TNK2: variants seen among roughly 807,000 people sequenced by gnomAD.
The protein encoded by TNK2 is tyrosine kinase non receptor 2, also known as activated CDC42 kinase 1.
TNK2 carries 83 observed loss-of-function variants against 101.8 expected under a neutral mutation model. That is an observed-to-expected ratio of 0.82 (90% confidence interval 0.68 to 0.98). The LOEUF is 0.98. TNK2 is among the 50% of genes least tolerant of loss of function. TNK2 has a pLI of 0.00. For synonymous variants in TNK2, 804 were observed against 633.0 expected (o/e 1.27, Z -4.06); for missense variants, 1,665 against 1,483.2 (o/e 1.12, Z -2.01).
intron 1 of TNK2, among the ~76,000 whole-genome samples, chr3:195,898,549 T>TA (rs1760885380): frequency 6.6e-6 from 1 of 152,172 alleles, no homozygotes; most frequent in Admixed American, 6.5e-5. Flanking sequence ...CTCTCTCTCT[T>TA]AGCATTCCCT....
intron 9 of TNK2, among the ~76,000 whole-genome samples, chr3:195,876,120 C>T (rs755578766): frequency 8.5e-5 from 13 of 152,176 alleles, no homozygotes; most frequent in Non-Finnish European, 1.8e-4. Flanking sequence ...TTCCAACACC[C>T]GCTCTGTATG....
At chr3:195,870,656 T>C (rs1361581643) in intron 10 of TNK2, among the ~76,000 whole-genome samples, 1 of 152,238 alleles carries the variant, frequency 6.6e-6, no homozygotes, top group African/African-American at 2.4e-5. Context: ...GGGCCACCTG[T>C]CCTGCTCCGG....
chr3:195,865,937 C>T (rs1230370434), intron 15 of TNK2, among the ~76,000 whole-genome samples: 1 of 152,222 alleles, frequency 6.6e-6, no homozygotes, highest in Non-Finnish European at 1.5e-5. Context: ...GCACCGTGCA[C>T]AGGGCCACGC....
Position 195,878,897 on chromosome 3 carries a change from G to A in TNK2, c.1014+152C>T. 19 of 1,261,882 alleles carry A rather than the reference G, an allele frequency of 1.5e-5. No homozygotes were observed. The highest frequency in any genetic ancestry group is 2.0e-5 in the Non-Finnish European group (18 of 905,068). 78.2% of individuals were successfully genotyped at this position (1,261,882 alleles called of 1,614,324 possible). ...GATACGGGGCGTGAGAGGAGACACGGGGCGTGGTGGGAGGCACGGGAAGTG... is the reference window on the plus strand; with the variant it reads ...GATACGGGGCGTGAGAGGAGACACGAGGCGTGGTGGGAGGCACGGGAAGTG... On this transcript the variant is annotated intron_variant, in intron 7 of 15. Coordinates refer to ENST00000672887, the MANE Select transcript of TNK2 (RefSeq NM_001382273.1). This position sits in a 1 kb window ranked among gnomAD's most constrained non-coding sequence, Gnocchi z 4.7.
intron 11 of TNK2, chr3:195,869,903 G>C: frequency 1.8e-6 from 1 of 564,230 alleles, no homozygotes; most frequent in Non-Finnish European, 3.2e-6. Flanking sequence ...GCCTGCTGCA[G>C]ACCCAGCCCG....
chr3:195,897,835 C>T (rs1272438827), intron 1 of TNK2, among the ~76,000 whole-genome samples: 1 of 138,352 alleles, frequency 7.2e-6, no homozygotes, highest in Non-Finnish European at 1.6e-5. Context: ...CCCCACCCCC[C>T]GCCCCCAGCT....
chr3:195,878,377 C>G lies in TNK2; in HGVS notation c.1162-30G>C, dbSNP rs778292259. 1 of 1,613,878 alleles carries G rather than the reference C, an allele frequency of 6.2e-7. No homozygotes were observed. The highest frequency in any genetic ancestry group is 1.7e-5 in the Admixed American group (1 of 60,010). ...AGGAAGAGGAAGGTCGTGGCCAACT[C>G]TGGGACTGACGCCTGGGTAGCCCCT... On this transcript the variant is annotated intron_variant, in intron 8 of 15. Transcript: ENST00000672887. This position sits in a 1 kb window ranked among gnomAD's most constrained non-coding sequence, Gnocchi z 4.7.
intron 1 of TNK2, chr3:195,894,785 C>G (rs1759952733): frequency 6.5e-6 from 1 of 153,740 alleles, no homozygotes; most frequent in Non-Finnish European, 1.4e-5. Flanking sequence ...CTACTGCCCT[C>G]TGCCGGTCGG....
rs1476435668 is a variant in TNK2, at chr3:195,868,168, GC to G, written c.2129del (p.Gly710AlafsTer21). Reference sequence around the variant, plus strand: ...CGGTCTGTGCGGAGCTGGGCGGCTTGCCCCCACCCTGGGGCGGGAGGAACAG... The same window carrying G: ...CGGTCTGTGCGGAGCTGGGCGGCTTGCCCCACCCTGGGGCGGGAGGAACAG... The part of the protein sequence containing the change: ...DNLFLPPQGG[G>X]KPPSSAQTAE... On this transcript the variant is annotated frameshift_variant, in exon 13 of 16. Coordinates refer to ENST00000672887, the MANE Select transcript of TNK2 (RefSeq NM_001382273.1). LOFTEE classifies it high-confidence loss of function. 2 of 1,610,464 alleles carry G rather than the reference GC, an allele frequency of 1.2e-6. No homozygotes were observed. Among genetic ancestry groups the G allele is most frequent in the Non-Finnish European group, 1.7e-6 (2 of 1,179,040 alleles).
chr3:195,883,371 C>T, intron 4 of TNK2, 62 bp from the exon 5 acceptor site: 1 of 1,589,474 alleles, frequency 6.3e-7, no homozygotes, highest in Non-Finnish European at 8.6e-7. Context: ...GCGGAGCCAA[C>T]CTGCTCCACC....
intron 1 of TNK2, among the ~76,000 whole-genome samples, chr3:195,899,873 G>A (rs1761027501): frequency 6.6e-6 from 1 of 152,148 alleles, no homozygotes; most frequent in African/African-American, 2.4e-5. Context: ...GGAGAACGGT[G>A]GCTGCTTCTT....
At position 195,872,490 on chromosome 3, in the gene TNK2, C is replaced by A. The variant is rs369547821; in HGVS notation, c.1257-20G>T. On this transcript the variant is annotated intron_variant, in intron 9 of 15. Transcript: ENST00000672887. ...TCGGCCCTGCGCGACAGAGATGGCACGGTGAACGCCAGGCGTGGCGGGGCA... is the reference window on the plus strand; with the variant it reads ...TCGGCCCTGCGCGACAGAGATGGCAAGGTGAACGCCAGGCGTGGCGGGGCA... 98 of 1,559,414 alleles carry A rather than the reference C, an allele frequency of 6.3e-5. No individual in the cohort carries two copies. Among genetic ancestry groups the A allele is most frequent in the Non-Finnish European group, 8.3e-5 (96 of 1,150,166 alleles).
rs145592276 is a variant in TNK2 at position 195,905,362 on chromosome 3, G to A, written c.-19+3123C>T. 3.9e-3 allele frequency among the ~76,000 whole-genome samples: 586 copies of A among 152,026 alleles called. 2 individuals are homozygous for A. Among genetic ancestry groups the A allele is most frequent in the Non-Finnish European group, 4.3e-3 (294 of 67,992 alleles). On this transcript the variant is annotated intron_variant, in intron 1 of 15. Coordinates refer to ENST00000672887, the MANE Select transcript of TNK2 (RefSeq NM_001382273.1). ...TTACAGGTGCCCGCCACCACGCCTGGCTAATTTTTTGTATTTTTAGTAGAG... is the reference window on the plus strand; with the variant it reads ...TTACAGGTGCCCGCCACCACGCCTGACTAATTTTTTGTATTTTTAGTAGAG...
rs372090414 is a variant in TNK2 at position 195,868,173 on chromosome 3, C to T, written c.2125G>A (p.Gly709Arg). 4 of 1,610,234 alleles carry T rather than the reference C, an allele frequency of 2.5e-6. No individual in the cohort carries two copies. Among genetic ancestry groups the T allele is most frequent in the South Asian group, 1.1e-5 (1 of 90,846 alleles). Residue 709 changes from glycine to arginine, a missense_variant, in exon 13 of 16, where the codon GGG (glycine) becomes AGG (arginine). Transcript: ENST00000672887. Reference protein sequence around the residue: ...EDNLFLPPQGGGKPPSSAQTA... With the variant: ...EDNLFLPPQGRGKPPSSAQTA... ...TGTGCGGAGCTGGGCGGCTTGCCCCCACCCTGGGGCGGGAGGAACAGGTTG... is the reference window on the plus strand; with the variant it reads ...TGTGCGGAGCTGGGCGGCTTGCCCCTACCCTGGGGCGGGAGGAACAGGTTG...
At chr3:195,870,382 G>T (rs1174139445) in intron 10 of TNK2, 177 bp from the exon 11 acceptor site, 2 of 1,468,452 alleles carry the variant, frequency 1.4e-6, no homozygotes, top group African/African-American at 1.4e-5. Context: ...GGGTGTCCTG[G>T]AGAGAAGGCA....
chr3:195,898,629 G>GT (rs941883027), intron 1 of TNK2, among the ~76,000 whole-genome samples: 31 of 151,110 alleles, frequency 2.1e-4, no homozygotes, highest in Admixed American at 1.3e-3. Context: ...GGTTCTTCTT[G>GT]TTTTTTGTTT....
In TNK2 at chr3:195,866,962, G is replaced by C; in HGVS notation, c.3088C>G (p.Leu1030Val). Residue 1030 changes from leucine to valine, a missense_variant, in exon 15 of 16, where the codon CTG becomes GTG. Leu to Val is a conservative substitution (Grantham distance 32). Coordinates refer to ENST00000672887, the MANE Select transcript of TNK2 (RefSeq NM_001382273.1). ...LRPRGECHKV[L>V]EMFDWNLEQA... Reference sequence around the variant, plus strand: ...TCCAGGTTCCAGTCGAACATCTCCAGCACTTTGTGGCACTCCCCTCTGGGC... The same window carrying C: ...TCCAGGTTCCAGTCGAACATCTCCACCACTTTGTGGCACTCCCCTCTGGGC... 6.2e-7 allele frequency: 1 copy of C among 1,613,082 alleles called. No homozygotes were observed. Among genetic ancestry groups the C allele is most frequent in the South Asian group, 1.1e-5 (1 of 91,076 alleles).
At chr3:195,872,677 ACT>A in intron 9 of TNK2, 1 of 555,450 alleles carries the variant, frequency 1.8e-6, no homozygotes, top group East Asian at 3.2e-5. Flanking sequence ...CTTACCCACA[ACT>A]CTCTAGGTGG....
intron 10 of TNK2, 137 bp from the exon 11 acceptor site, chr3:195,870,342 C>G (rs1295684645): frequency 2.5e-5 from 38 of 1,522,324 alleles, no homozygotes; most frequent in Non-Finnish European, 3.2e-5. Context: ...CCTCCCAGTC[C>G]ACAGAACCTG....
Sources: gnomAD v4.1 joint callset for allele counts (sites outside exome capture counted in the v4.1 genomes callset) on GRCh38, gnomAD v4.1.1 for gene constraint, Gnocchi (gnomAD v3.1) non-coding constraint, MANE v1.5 for transcripts, NCBI Gene and HGNC (gene_info 2026-07-23, HGNC 2026-07-21) for gene names.